ATG7: variants seen among roughly 807,000 people sequenced by gnomAD.
ATG7 encodes the protein ubiquitin-like modifier-activating enzyme ATG7.
In ATG7, 70 loss-of-function variants were observed where a neutral mutation model predicts 82.4. The ratio of observed to expected loss-of-function variants is 0.85; its 90% CI spans 0.70 to 1.04. ATG7 has a LOEUF of 1.04. Among genes scored for constraint, ATG7 ranks in the 50% least tolerant of loss-of-function variants. The probability of loss-of-function intolerance (pLI) is 0.00; values close to 1 mark genes in which losing one functional copy is unlikely to be tolerated. For missense variants in ATG7, 792 were observed against 864.3 expected (o/e 0.92, Z 1.05); for synonymous variants, 287 against 313.0 (o/e 0.92, Z 0.88).
chr3:11,532,964 A>G (rs553853494), intron 20 of ATG7, among the ~76,000 whole-genome samples: 1 of 152,332 alleles, frequency 6.6e-6, no homozygotes, highest in East Asian at 1.9e-4. Context: ...CCTCACATGA[A>G]CACCGTGCCC....
rs559365444 is a variant in ATG7, at chr3:11,274,664, A to G, written c.-366+2234A>G. On this transcript the variant is annotated intron_variant, in intron 1 of 20. Transcript: ENST00000693202. ...GCACATAGACTTTGGGATCCAAGAT[A>G]GCTGCGTACCAATATTCCCATTGCC... Among the ~76,000 whole-genome samples, 4 of 152,306 alleles carry G rather than the reference A, an allele frequency of 2.6e-5. No homozygotes were observed. The South Asian group carries it at 8.3e-4, about 32-fold the overall frequency.
At chr3:11,379,267 C>G (rs770613272) in intron 18 of ATG7, among the ~76,000 whole-genome samples, 1 of 152,170 alleles carries the variant, frequency 6.6e-6, no homozygotes, top group Non-Finnish European at 1.5e-5. Flanking sequence ...ATATATAGAA[C>G]AGCTTAAAGC....
chr3:11,452,021 G>A (rs1576508135), intron 20 of ATG7, among the ~76,000 whole-genome samples: 1 of 72,144 alleles, frequency 1.4e-5, no homozygotes, highest in Non-Finnish European at 2.3e-5. Flanking sequence ...GACTTGGGGG[G>A]TTGGGGGGTT....
chr3:11,405,779 C>A (rs1230680662), intron 19 of ATG7, among the ~76,000 whole-genome samples: 1 of 152,024 alleles, frequency 6.6e-6, no homozygotes, highest in East Asian at 1.9e-4. Flanking sequence ...AAATGCATGT[C>A]ACCACGCCTG....
downstream of ATG7, among the ~76,000 whole-genome samples, chr3:11,559,737 A>C (rs2072797662): frequency 6.6e-6 from 1 of 152,192 alleles, no homozygotes; most frequent in Non-Finnish European, 1.5e-5. Context: ...CCCATCTCTC[A>C]AATCTGTTAA....
intron 20 of ATG7, among the ~76,000 whole-genome samples, chr3:11,463,622 T>TGGG (rs1553682153): frequency 1.3e-5 from 2 of 151,928 alleles, no homozygotes; most frequent in Non-Finnish European, 2.9e-5. Flanking sequence ...TTATCATAGG[T>TGGG]GGAGAGTGTT....
At chr3:11,344,013 G>T (rs1032278001) in intron 13 of ATG7, among the ~76,000 whole-genome samples, 27 of 152,000 alleles carry the variant, frequency 1.8e-4, no homozygotes, top group African/African-American at 6.0e-4. Context: ...GGCCTTCCAT[G>T]TATCTAATTG....
chr3:11,461,516 A>G (rs1193064609), intron 20 of ATG7, among the ~76,000 whole-genome samples: 2 of 152,204 alleles, frequency 1.3e-5, no homozygotes, highest in Non-Finnish European at 2.9e-5. Flanking sequence ...CAGGTTAAGG[A>G]AATTGAGTTC....
chr3:11,406,508 A>T (rs544066589), intron 19 of ATG7, among the ~76,000 whole-genome samples: 37 of 152,168 alleles, frequency 2.4e-4, no homozygotes, highest in African/African-American at 8.9e-4. Flanking sequence ...ACATCTTGCT[A>T]TATTGCCCAG....
At chr3:11,511,670 G>A (rs1224353731) in intron 20 of ATG7, among the ~76,000 whole-genome samples, 7 of 152,188 alleles carry the variant, frequency 4.6e-5, no homozygotes, top group South Asian at 2.1e-4. Context: ...GGGAGGCTCC[G>A]GCCGCACAGG....
intron 20 of ATG7, among the ~76,000 whole-genome samples, chr3:11,449,544 C>A (rs568809120): frequency 6.6e-6 from 1 of 152,164 alleles, no homozygotes; most frequent in Non-Finnish European, 1.5e-5. Context: ...AGAAGCTTCT[C>A]ATGTTCCATA....
intron 14 of ATG7, among the ~76,000 whole-genome samples, chr3:11,356,589 A>G (rs925198009): frequency 1.3e-5 from 2 of 152,228 alleles, no homozygotes; most frequent in East Asian, 1.9e-4. Context: ...TTATTATTCA[A>G]AAGTTCAGAA....
intron 20 of ATG7, among the ~76,000 whole-genome samples, chr3:11,524,805 C>T (rs540786393): frequency 1.3e-5 from 2 of 149,958 alleles, no homozygotes; most frequent in African/African-American, 4.9e-5. Flanking sequence ...AAAACAAAAA[C>T]AAAAAAAAAC....
intron 20 of ATG7, among the ~76,000 whole-genome samples, chr3:11,462,728 C>G (rs892490303): frequency 6.6e-6 from 1 of 152,048 alleles, no homozygotes; most frequent in African/African-American, 2.4e-5. Context: ...TAACTATCCT[C>G]TCGCCACCCC....
chr3:11,455,588 C>G (rs145565067), intron 20 of ATG7, among the ~76,000 whole-genome samples: 2 of 152,192 alleles, frequency 1.3e-5, no homozygotes, highest in Admixed American at 1.3e-4. Flanking sequence ...AACAACTGAT[C>G]GTGAGCTTGT....
chr3:11,575,489 G>A, the ATG7 span, among the ~76,000 whole-genome samples: 7 of 152,244 alleles, frequency 4.6e-5, no homozygotes, highest in South Asian at 2.1e-4. Context: ...AAGGAGCTCC[G>A]AGGGCAAAGT....
chr3:11,497,357 C>CTATATATATATGTATATATATATA lies in ATG7; in HGVS notation c.2080-57443_2080-57442insGTATATATATATATATATATATAT, dbSNP rs1281826628. On this transcript the variant is annotated intron_variant, in intron 20 of 20. Transcript: ENST00000693202. ...TGAAACCCCGTCTGTACTAAAAATA[C>CTATATATATATGTATATATATATA]TATATATATATATATATATATATAT... Among the ~76,000 whole-genome samples the CTATATATATATGTATATATATATA allele has an allele frequency of 5.2e-4, 30 of 57,314 alleles. 1 individual carries two copies. The highest frequency in any genetic ancestry group is 1.8e-3 in the African/African-American group (27 of 14,986). The allele number at this position is 57,314 out of a possible 152,430, so 37.6% of individuals were successfully genotyped here. A position where few individuals can be genotyped will look rare whatever the true frequency, so the allele number is the denominator to read the frequency against.
chr3:11,431,667 G>C (rs1454714778), intron 20 of ATG7, among the ~76,000 whole-genome samples: 1 of 152,100 alleles, frequency 6.6e-6, no homozygotes, highest in African/African-American at 2.4e-5. Context: ...CTTCTATTTA[G>C]CACAATGTTT....
At chr3:11,449,762 A>G (rs2084928524) in intron 20 of ATG7, among the ~76,000 whole-genome samples, 1 of 152,240 alleles carries the variant, frequency 6.6e-6, no homozygotes, top group African/African-American at 2.4e-5. Flanking sequence ...TTGTGCCCTC[A>G]AACACTAACA....
Sources: allele counts gnomAD v4.1 joint callset (sites outside exome capture counted in the v4.1 genomes callset), GRCh38; gene constraint gnomAD v4.1.1; transcripts MANE v1.5; gene names NCBI Gene and HGNC (gene_info 2026-07-23, HGNC 2026-07-21).